FSIP1: variants seen among roughly 807,000 people sequenced by gnomAD.
The protein encoded by FSIP1 is fibrous sheath interacting protein 1.
A neutral mutation model predicts 60.9 loss-of-function variants in FSIP1; 65 were observed. The ratio of observed to expected loss-of-function variants is 1.07; its 90% CI spans 0.87 to 1.31. FSIP1 has a LOEUF of 1.31. Among genes scored for constraint, FSIP1 ranks in the 40% most tolerant of loss-of-function variants. The pLI, the probability that FSIP1 is intolerant of heterozygous loss-of-function variation, is 0.00. For synonymous variants in FSIP1, 209 were observed against 221.2 expected (o/e 0.94, Z 0.49); for missense variants, 675 against 665.5 (o/e 1.01, Z -0.16).
chr15:39,643,049 T>C (rs188086764), intron 10 of FSIP1, among the ~76,000 whole-genome samples: 3 of 152,342 alleles, frequency 2.0e-5, no homozygotes, highest in African/African-American at 7.2e-5. Flanking sequence ...ATTCAGACTC[T>C]GCCTTCAGAG....
intron 10 of FSIP1, among the ~76,000 whole-genome samples, chr15:39,639,505 TGTTTCTTTAAA>T (rs1566863846): frequency 6.6e-6 from 1 of 152,212 alleles, no homozygotes; most frequent in African/African-American, 2.4e-5. Context: ...TCCACAATTA[TGTTTCTTTAAA>T]AGGCTACAGT....
At chr15:39,655,103 C>T (rs570301369) in intron 10 of FSIP1, among the ~76,000 whole-genome samples, 2 of 152,294 alleles carry the variant, frequency 1.3e-5, no homozygotes, top group South Asian at 4.1e-4. Flanking sequence ...AGAGAAAAAT[C>T]CCAAGGAAAT....
At chr15:39,637,232 C>T (rs1892172650) in intron 10 of FSIP1, among the ~76,000 whole-genome samples, 6 of 152,322 alleles carry the variant, frequency 3.9e-5, no homozygotes, top group Admixed American at 3.3e-4. Flanking sequence ...TGGTTTCAAA[C>T]TCCCTATCAA....
At chr15:39,738,231 A>G (rs754285224) in intron 7 of FSIP1, 30 bp from the exon 8 acceptor site, 5 of 1,419,522 alleles carry the variant, frequency 3.5e-6, no homozygotes, top group Non-Finnish European at 3.9e-6. Context: ...AAAATATCAT[A>G]TACTCAAGGA....
intron 11 of FSIP1, among the ~76,000 whole-genome samples, chr15:39,614,826 C>A (rs1235008428): frequency 6.6e-6 from 1 of 151,888 alleles, no homozygotes; most frequent in Non-Finnish European, 1.5e-5. Context: ...CACAATAGAC[C>A]CTGAATAGCC....
chr15:39,690,548 C>T (rs570393657), intron 10 of FSIP1, among the ~76,000 whole-genome samples: 8 of 152,284 alleles, frequency 5.3e-5, no homozygotes, highest in Non-Finnish European at 8.8e-5. Context: ...CTCCACAGCC[C>T]TACCCCAAAT....
intron 10 of FSIP1, among the ~76,000 whole-genome samples, chr15:39,694,539 A>T (rs982355088): frequency 1.3e-5 from 2 of 152,128 alleles, no homozygotes; most frequent in South Asian, 2.1e-4. Context: ...GGTGGCTCAC[A>T]CCTGTAATCC....
chr15:39,765,417 T>G (rs1005603002), intron 4 of FSIP1, among the ~76,000 whole-genome samples, 175 bp downstream of exon 4: 4 of 151,562 alleles, frequency 2.6e-5, no homozygotes, highest in East Asian at 1.9e-4. Flanking sequence ...ATTTTTTAGG[T>G]TTTTTTTGTA....
chr15:39,682,297 C>A (rs570113760), intron 10 of FSIP1, among the ~76,000 whole-genome samples: 4 of 152,198 alleles, frequency 2.6e-5, no homozygotes, highest in African/African-American at 9.6e-5. Flanking sequence ...TTTGTTCTAA[C>A]TGTTTTTATT....
intron 5 of FSIP1, among the ~76,000 whole-genome samples, chr15:39,752,880 T>C (rs544151440): frequency 6.6e-6 from 1 of 152,214 alleles, no homozygotes; most frequent in South Asian, 2.1e-4. Context: ...GGGAAATCTC[T>C]GTACCATATT....
At chr15:39,727,907 C>T (rs1247780982) in intron 8 of FSIP1, among the ~76,000 whole-genome samples, 1 of 152,166 alleles carries the variant, frequency 6.6e-6, no homozygotes, top group Non-Finnish European at 1.5e-5. Context: ...TGATCAAAAC[C>T]TCCTATATTT....
chr15:39,760,599 G>C (rs1308564316), intron 5 of FSIP1, among the ~76,000 whole-genome samples: 4 of 152,126 alleles, frequency 2.6e-5, no homozygotes, highest in Non-Finnish European at 2.9e-5. Flanking sequence ...TTACAAAATA[G>C]CTGACCAATA....
downstream of FSIP1, among the ~76,000 whole-genome samples, chr15:39,599,836 T>C (rs147001531): frequency 7.2e-5 from 11 of 152,328 alleles, no homozygotes; most frequent in African/African-American, 2.4e-4. Flanking sequence ...CACATTGACA[T>C]CAGCATGAAC....
intron 10 of FSIP1, among the ~76,000 whole-genome samples, chr15:39,670,526 G>A (rs1325118871): frequency 6.6e-6 from 1 of 152,110 alleles, no homozygotes; most frequent in African/African-American, 2.4e-5. Flanking sequence ...CTGTAGCCCA[G>A]GCTGGAGTGC....
chr15:39,645,546 G>A (rs374610741), intron 10 of FSIP1, among the ~76,000 whole-genome samples: 62 of 152,198 alleles, frequency 4.1e-4, no homozygotes, highest in African/African-American at 1.5e-3. Context: ...CCTCCTGGGT[G>A]CAGCTGGAGC....
intron 1 of FSIP1, among the ~76,000 whole-genome samples, chr15:39,778,705 C>T (rs950964051): frequency 1.4e-4 from 22 of 152,036 alleles, no homozygotes; most frequent in Non-Finnish European, 1.5e-4. Context: ...ATTGAGTGTT[C>T]GTGAGGAGTG....
At chr15:39,740,435 T>G (rs958702713) in intron 6 of FSIP1, among the ~76,000 whole-genome samples, 5 of 152,206 alleles carry the variant, frequency 3.3e-5, no homozygotes, top group African/African-American at 9.7e-5. Context: ...TCGTATTCCC[T>G]TTATAAAATA....
chr15:39,761,954 T>C (rs945353740), intron 5 of FSIP1, among the ~76,000 whole-genome samples: 1 of 152,226 alleles, frequency 6.6e-6, no homozygotes, highest in Admixed American at 6.5e-5. Flanking sequence ...GAACAATTTA[T>C]CTCTGCTCCA....
In FSIP1 at chr15:39,639,404, C is replaced by G. The variant is rs149455070; in HGVS notation, c.1189-21159G>C. ...AAGTGAAAAGCAATCTAGGAAACCA[C>G]AAGCTTGGTCTGTAATTGAAACAAA... On this transcript the variant is annotated intron_variant, in intron 10 of 11. Transcript: ENST00000350221. 5.3e-5 allele frequency among the ~76,000 whole-genome samples: 8 copies of G among 152,126 alleles called. No individual in the cohort carries two copies. The South Asian group carries it at 1.7e-3, about 32-fold the overall frequency.
Sources: allele counts gnomAD v4.1 joint callset (sites outside exome capture counted in the v4.1 genomes callset), GRCh38; gene constraint gnomAD v4.1.1; transcripts MANE v1.5; gene names NCBI Gene and HGNC (gene_info 2026-07-23, HGNC 2026-07-21).